The following PRKN variants were observed in gnomAD, a reference collection of about 807,000 sequenced individuals.
PRKN encodes parkin RBR E3 ubiquitin protein ligase.
In PRKN, 56 loss-of-function variants were observed where a neutral mutation model predicts 59.5. The observed-to-expected ratio is 0.94, with a 90% CI of 0.76 to 1.18. PRKN has a LOEUF of 1.18. Among genes scored for constraint, PRKN ranks in the 50% most tolerant of loss-of-function variants. The probability of loss-of-function intolerance (pLI) is 0.00; values close to 1 mark genes in which losing one functional copy is unlikely to be tolerated. For missense variants in PRKN, 657 were observed against 596.4 expected (o/e 1.10, Z -1.06); for synonymous variants, 250 against 222.1 (o/e 1.13, Z -1.12).
chr6:161,896,213 A>G (rs1460848980), intron 6 of PRKN, among the ~76,000 whole-genome samples: 2 of 152,160 alleles, frequency 1.3e-5, no homozygotes, highest in East Asian at 1.9e-4. Context: ...CCCTCCTCCT[A>G]TTGTAAGGTG....
At chr6:161,759,439 A>G (rs1789096511) in intron 7 of PRKN, among the ~76,000 whole-genome samples, 1 of 152,156 alleles carries the variant, frequency 6.6e-6, no homozygotes, top group South Asian at 2.1e-4. Flanking sequence ...TTAAAAATGA[A>G]AGACTAATGG....
chr6:162,727,675 T>C lies in PRKN; in HGVS notation c.-7A>G. 1 of 1,579,704 alleles carries C rather than the reference T, an allele frequency of 6.3e-7. No homozygotes were observed. The highest frequency in any genetic ancestry group is 8.6e-7 in the Non-Finnish European group (1 of 1,163,982). On this transcript the variant is annotated 5_prime_UTR_variant, in exon 1 of 12. Transcript: ENST00000366898. The stretch of plus-strand genomic sequence containing the variant: ...GTACCCACGTACCTATCATGGTCAC[T>C]GGGTAGGTGGCGGCTGCGGGCCAGG...
Position 161,785,834 on chromosome 6 carries a change from G to A in PRKN, c.809C>T (p.Thr270Ile). 1.2e-6 allele frequency: 2 copies of A among 1,614,110 alleles called. No homozygotes were observed. The highest frequency in any genetic ancestry group is 1.7e-6 in the Non-Finnish European group (2 of 1,179,978). The change falls in exon 7 of 12, where the codon ACA becomes ATA. Residue 270 changes from threonine (T) to isoleucine (I), a missense_variant. Transcript: ENST00000366898. ...AACAAACTGCCGATCATTGAGTCTT[G>A]TCACACAGTATAAGTGGAAACAGTC... ...CLDCFHLYCV[T>I]RLNDRQFVHD...
intron 1 of PRKN, among the ~76,000 whole-genome samples, chr6:162,578,949 C>T (rs1305440780): frequency 6.6e-6 from 1 of 152,078 alleles, no homozygotes; most frequent in Admixed American, 6.5e-5. Flanking sequence ...ACTTAAACAC[C>T]ATAAGACAGA....
rs534648324 is a variant in PRKN at position 162,425,352 on chromosome 6, C to T, written c.171+17958G>A. The stretch of plus-strand genomic sequence containing the variant: ...AGAACTCACATTCTAACACAGAAAC[C>T]TTGTGAAAATATAATCTTCCAAGGG... On this transcript the variant is annotated intron_variant, in intron 2 of 11. Transcript: ENST00000366898. Among the ~76,000 whole-genome samples the T allele has an allele frequency of 1.3e-3, 195 of 152,264 alleles. No individual in the cohort carries two copies. The Middle Eastern group carries it at 0.014, about 11-fold the overall frequency.
At chr6:162,437,024 G>A (rs9356017) in intron 2 of PRKN, among the ~76,000 whole-genome samples, 17,405 of 151,860 alleles carry the variant, frequency 0.11, 1,376 homozygotes, top group African/African-American at 0.23. Context: ...CCCGGGAGGC[G>A]GAGCTTGCAG....
At chr6:162,045,592 A>AT (rs1015135633) in intron 5 of PRKN, among the ~76,000 whole-genome samples, 2 of 152,140 alleles carry the variant, frequency 1.3e-5, no homozygotes, top group African/African-American at 4.8e-5. Flanking sequence ...GCTTTAAGGG[A>AT]TTTTTGCCAC....
chr6:162,114,548 T>G (rs1159930170), intron 4 of PRKN, among the ~76,000 whole-genome samples: 2 of 152,094 alleles, frequency 1.3e-5, no homozygotes, highest in African/African-American at 4.8e-5. Context: ...ATGCTTGTGA[T>G]TTTTGTACAT....
intron 6 of PRKN, among the ~76,000 whole-genome samples, chr6:161,926,812 T>C (rs113297731): frequency 0.013 from 1,915 of 152,242 alleles, 45 homozygotes; most frequent in African/African-American, 0.042. Context: ...TATAACTGTC[T>C]TTCTCTATAA....
chr6:162,500,172 C>CT lies in PRKN; in HGVS notation c.8-56700dup, dbSNP rs36107785. Among the ~76,000 whole-genome samples the CT allele has an allele frequency of 7.2e-3, 967 of 133,932 alleles. 9 individuals carry two copies. The highest frequency in any genetic ancestry group is 0.024 in the Middle Eastern group (6 of 252). The allele number at this position is 133,932 out of a possible 152,430, so 87.9% of individuals were successfully genotyped here. On this transcript the variant is annotated intron_variant, in intron 1 of 11. Coordinates refer to ENST00000366898, the MANE Select transcript of PRKN (RefSeq NM_004562.3). ...CCACAAACAGCCTTTCTCTTTTCTT[C>CT]TTTTTTTTTTTTTTTTTGGTGACAG...
chr6:161,815,175 C>T (rs1184622248), intron 6 of PRKN, among the ~76,000 whole-genome samples: 5 of 152,154 alleles, frequency 3.3e-5, no homozygotes, highest in Non-Finnish European at 7.3e-5. Flanking sequence ...AAGTGGCAGC[C>T]GTTACTTCAT....
chr6:162,475,385 C>T (rs73785509), intron 1 of PRKN, among the ~76,000 whole-genome samples: 1,942 of 152,196 alleles, frequency 0.013, 50 homozygotes, highest in African/African-American at 0.044. Context: ...CTAATAGTTC[C>T]AATCTTGGAA....
At chr6:161,510,328 C>T (rs1318034933) in intron 9 of PRKN, among the ~76,000 whole-genome samples, 1 of 151,082 alleles carries the variant, frequency 6.6e-6, no homozygotes, top group Non-Finnish European at 1.5e-5. Context: ...CCTGAGATCG[C>T]CAGTGAGGCA....
At chr6:162,000,979 C>T (rs566505713) in intron 5 of PRKN, among the ~76,000 whole-genome samples, 1 of 151,938 alleles carries the variant, frequency 6.6e-6, no homozygotes, top group African/African-American at 2.4e-5. Context: ...TTTAGGCTGT[C>T]TATTGTGTTC....
intron 9 of PRKN, among the ~76,000 whole-genome samples, chr6:161,510,029 T>C (rs546340015): frequency 6.6e-6 from 1 of 152,314 alleles, no homozygotes; most frequent in African/African-American, 2.4e-5. Flanking sequence ...CCTGCATTCA[T>C]GCCCTTGCCA....
At position 161,399,542 on chromosome 6, in the gene PRKN, T is replaced by C. The variant is rs1583019779; in HGVS notation, c.1084-12665A>G. On this transcript the variant is annotated intron_variant, in intron 9 of 11. Coordinates refer to ENST00000366898, the MANE Select transcript of PRKN (RefSeq NM_004562.3). This position sits in a 1 kb window ranked among gnomAD's most constrained non-coding sequence, Gnocchi z 4.4. The stretch of plus-strand genomic sequence containing the variant: ...GCATGCTCCCCCTCCCATAAGGAGT[T>C]TGAGCAGTGGTGGTGGCTGAACTGA... Among the ~76,000 whole-genome samples the C allele has an allele frequency of 6.6e-6, 1 of 152,118 alleles. No individual in the cohort carries two copies. Among genetic ancestry groups the C allele is most frequent in the African/African-American group, 2.4e-5 (1 of 41,418 alleles).
intron 4 of PRKN, among the ~76,000 whole-genome samples, chr6:162,193,525 C>T (rs138642223): frequency 2.0e-5 from 3 of 152,310 alleles, no homozygotes; most frequent in Non-Finnish European, 2.9e-5. Context: ...TATGCCTCTG[C>T]TCCATGAGAC....
At chr6:162,494,554 T>C (rs533135204) in intron 1 of PRKN, among the ~76,000 whole-genome samples, 2 of 152,306 alleles carry the variant, frequency 1.3e-5, no homozygotes, top group South Asian at 2.1e-4. Context: ...GCCCTCACAA[T>C]TGCAGAAGGT....
intron 6 of PRKN, among the ~76,000 whole-genome samples, chr6:161,883,743 C>G (rs1237315928): frequency 6.6e-6 from 1 of 152,064 alleles, no homozygotes; most frequent in African/African-American, 2.4e-5. Context: ...ACTTCCACCC[C>G]TTGGATTCAA....
Sources: gnomAD v4.1 joint callset for allele counts (sites outside exome capture counted in the v4.1 genomes callset) on GRCh38, gnomAD v4.1.1 for gene constraint, Gnocchi (gnomAD v3.1) non-coding constraint, MANE v1.5 for transcripts, NCBI Gene and HGNC (gene_info 2026-07-23, HGNC 2026-07-21) for gene names.